PALLD: variants seen among roughly 807,000 people sequenced by gnomAD.
PALLD encodes the protein palladin, cytoskeletal associated protein.
A neutral mutation model predicts 123.5 loss-of-function variants in PALLD; 61 were observed. That is an observed-to-expected ratio of 0.49 (90% CI 0.40 to 0.61). The LOEUF is 0.61. PALLD is among the 20% of genes least tolerant of loss of function. PALLD has a pLI of 0.00. For missense variants in PALLD, 1,273 were observed against 1,377.0 expected, an observed-to-expected ratio of 0.92 and a Z score of 1.20; for synonymous variants, 465 against 496.4, an observed-to-expected ratio of 0.94 and a Z score of 0.84.
chr4:168,639,470 A>C (rs1776679345), intron 2 of PALLD, among the ~76,000 whole-genome samples: 1 of 152,176 alleles, frequency 6.6e-6, no homozygotes, highest in South Asian at 2.1e-4. Context: ...CAGACCATGA[A>C]TCATAAGAAA....
At chr4:168,903,621 A>AGT in intron 14 of PALLD, 136 bp from the exon 15 acceptor site, 1 of 700,584 alleles carries the variant, frequency 1.4e-6, no homozygotes, top group Non-Finnish European at 2.6e-6. Flanking sequence ...TCAATTCCTT[A>AGT]GTCAGGTATT....
At chr4:168,705,802 A>C (rs1784166973) in intron 8 of PALLD, among the ~76,000 whole-genome samples, 1 of 151,784 alleles carries the variant, frequency 6.6e-6, no homozygotes, top group African/African-American at 2.4e-5. Context: ...ATGCCTGGCT[A>C]ATTTTTTTGT....
intron 10 of PALLD, among the ~76,000 whole-genome samples, chr4:168,755,601 C>T (rs1581297556): frequency 6.6e-6 from 1 of 152,212 alleles, no homozygotes; most frequent in African/African-American, 2.4e-5. Flanking sequence ...TGAGAAGCCA[C>T]AAGAAAATTC....
rs1057459647 is a variant in PALLD at position 168,813,965 on chromosome 4, G to C, written c.1965-76957G>C. 3.3e-5 allele frequency among the ~76,000 whole-genome samples: 5 copies of C among 152,146 alleles called. No individual in the cohort carries two copies. In the East Asian group the frequency reaches 9.6e-4, roughly 29 times the overall value. On this transcript the variant is annotated intron_variant, in intron 10 of 21. Transcript: ENST00000505667. ...CCTCAGGATATCCCTGAGCCCAGGG[G>C]AAGATGAGAGTGGGAGGAATTTCAG...
intron 2 of PALLD, among the ~76,000 whole-genome samples, chr4:168,628,571 C>A (rs1337614453): frequency 6.6e-6 from 1 of 152,140 alleles, no homozygotes; most frequent in Non-Finnish European, 1.5e-5. Context: ...ACCATACTCT[C>A]CAAATAATCC....
At chr4:168,585,403 T>C (rs1183394591) in intron 2 of PALLD, among the ~76,000 whole-genome samples, 1 of 152,042 alleles carries the variant, frequency 6.6e-6, no homozygotes, top group Non-Finnish European at 1.5e-5. Flanking sequence ...TAACTAACAA[T>C]GTAGCTTCAA....
At chr4:168,551,926 A>G (rs957429186) in intron 2 of PALLD, among the ~76,000 whole-genome samples, 2 of 152,184 alleles carry the variant, frequency 1.3e-5, no homozygotes, top group Non-Finnish European at 2.9e-5. Flanking sequence ...AAGTTTTTCC[A>G]AGTCATGACA....
chr4:168,918,179 C>T (rs1378129896), intron 17 of PALLD, among the ~76,000 whole-genome samples: 6 of 150,136 alleles, frequency 4.0e-5, no homozygotes, highest in African/African-American at 7.3e-5. Context: ...CAAGACTCCC[C>T]GTCTCCCCCA....
At chr4:168,585,666 G>A (rs1385614123) in intron 2 of PALLD, among the ~76,000 whole-genome samples, 1 of 152,184 alleles carries the variant, frequency 6.6e-6, no homozygotes. Flanking sequence ...GCTCAGGACA[G>A]TATGAGGAGC....
At chr4:168,563,924 T>C (rs1427776276) in intron 2 of PALLD, among the ~76,000 whole-genome samples, 1 of 152,202 alleles carries the variant, frequency 6.6e-6, no homozygotes, top group Admixed American at 6.5e-5. Flanking sequence ...ATAGATTTTG[T>C]AGTGTTTAAG....
At chr4:168,873,359 C>T (rs554232635) in intron 10 of PALLD, among the ~76,000 whole-genome samples, 78 of 152,296 alleles carry the variant, frequency 5.1e-4, no homozygotes, top group African/African-American at 1.9e-3. Flanking sequence ...TTCTGTCATA[C>T]AATCAAATAT....
chr4:168,604,861 A>T (rs373169139), intron 2 of PALLD, among the ~76,000 whole-genome samples: 1 of 152,338 alleles, frequency 6.6e-6, no homozygotes, highest in African/African-American at 2.4e-5. Flanking sequence ...CAAAGTTCTC[A>T]ACTGATAGAG....
intron 10 of PALLD, among the ~76,000 whole-genome samples, chr4:168,758,087 A>G (rs1226794555): frequency 6.6e-6 from 1 of 152,178 alleles, no homozygotes; most frequent in Non-Finnish European, 1.5e-5. Context: ...TAATAATAAC[A>G]TATTTAATCA....
chr4:168,896,067 G>A (rs558640523), intron 12 of PALLD, among the ~76,000 whole-genome samples: 18 of 152,210 alleles, frequency 1.2e-4, no homozygotes, highest in African/African-American at 2.6e-4. Context: ...AAAATTAGCC[G>A]GGTGTGGTGG....
At chr4:168,877,431 A>G (rs1216342603) in intron 10 of PALLD, among the ~76,000 whole-genome samples, 1 of 152,242 alleles carries the variant, frequency 6.6e-6, no homozygotes, top group African/African-American at 2.4e-5. Context: ...AAAACAAATT[A>G]TGGCTCCTGG....
chr4:168,896,676 GT>G (rs1449440209), intron 13 of PALLD, 77 bp downstream of exon 13: 2 of 800,800 alleles, frequency 2.5e-6, no homozygotes, highest in African/African-American at 3.5e-5. Flanking sequence ...TTTTACGTGT[GT>G]TTCTATCTTT....
At chr4:168,889,852 T>C (rs1437198228) in intron 10 of PALLD, among the ~76,000 whole-genome samples, 8 of 152,258 alleles carry the variant, frequency 5.3e-5, no homozygotes, top group African/African-American at 1.9e-4. Flanking sequence ...CAGGTCATGC[T>C]AATGCTGCTG....
chr4:168,562,112 A>T (rs1408860315), intron 2 of PALLD, among the ~76,000 whole-genome samples: 1 of 150,338 alleles, frequency 6.7e-6, no homozygotes, highest in Non-Finnish European at 1.5e-5. Flanking sequence ...AAAAAAAAGG[A>T]ATGCAGACAC....
intron 2 of PALLD, among the ~76,000 whole-genome samples, chr4:168,579,170 A>G (rs999312386): frequency 6.6e-6 from 1 of 152,206 alleles, no homozygotes; most frequent in Non-Finnish European, 1.5e-5. Context: ...GGGGAGGTCA[A>G]GGTAGTTCAC....
Sources: gnomAD v4.1 joint callset for allele counts (sites outside exome capture counted in the v4.1 genomes callset) on GRCh38, gnomAD v4.1.1 for gene constraint, MANE v1.5 for transcripts, NCBI Gene and HGNC (gene_info 2026-07-23, HGNC 2026-07-21) for gene names.